The following ADTRP variants were observed in gnomAD, a reference collection of about 807,000 sequenced individuals.
ADTRP encodes androgen-dependent TFPI-regulating protein.
In ADTRP, 20 loss-of-function variants were observed where a neutral mutation model predicts 27.0. That is an observed-to-expected ratio of 0.74 (90% CI 0.52 to 1.08). The LOEUF (loss-of-function observed/expected upper bound fraction) is 1.08. ADTRP is among the 50% of genes least tolerant of loss of function. ADTRP has a pLI of 0.00. For synonymous variants in ADTRP, 101 were observed against 105.2 expected (o/e 0.96, Z 0.25); for missense variants, 251 against 275.0 (o/e 0.91, Z 0.62).
intron 3 of ADTRP, among the ~76,000 whole-genome samples, chr6:11,742,332 A>AT (rs897176049): frequency 6.6e-6 from 1 of 151,430 alleles, no homozygotes; most frequent in Admixed American, 6.6e-5. Context: ...TAACTCTTTA[A>AT]TTTTTTCTCT....
intron 1 of ADTRP, 42 bp downstream of exon 1, chr6:11,778,565 T>C (rs377641393): frequency 6.3e-6 from 10 of 1,587,524 alleles, no homozygotes; most frequent in Non-Finnish European, 7.7e-6. Context: ...ACTGATATTC[T>C]AGAGAAATGG....
At chr6:11,770,661 AG>A (rs529175645) in intron 1 of ADTRP, among the ~76,000 whole-genome samples, 80 of 152,230 alleles carry the variant, frequency 5.3e-4, no homozygotes, top group African/African-American at 1.9e-3. Context: ...AATGGCAGGA[AG>A]GGGTTGCCAC....
chr6:11,726,316 C>T (rs1057414327), intron 4 of ADTRP, among the ~76,000 whole-genome samples: 5 of 152,206 alleles, frequency 3.3e-5, no homozygotes, highest in East Asian at 1.9e-4. Flanking sequence ...TTTGGTCCTG[C>T]GTGTGTTGGT....
chr6:11,714,556 C>A (rs773800644), intron 5 of ADTRP, 44 bp from the exon 6 acceptor site: 2 of 1,594,336 alleles, frequency 1.3e-6, no homozygotes. Context: ...TTCAGGCTTT[C>A]CCTAATGGGT....
At chr6:11,742,535 G>T (rs1419285064) in intron 3 of ADTRP, among the ~76,000 whole-genome samples, 1 of 152,192 alleles carries the variant, frequency 6.6e-6, no homozygotes, top group Admixed American at 6.5e-5. Context: ...TAAAAAGAGA[G>T]AGATGAAATG....
chr6:11,757,383 C>A (rs374862829), intron 3 of ADTRP, among the ~76,000 whole-genome samples: 5 of 152,142 alleles, frequency 3.3e-5, no homozygotes, highest in African/African-American at 1.2e-4. Flanking sequence ...AGAATAGAAA[C>A]AAAATCCTTA....
chr6:11,734,943 G>A (rs913703896), intron 4 of ADTRP, among the ~76,000 whole-genome samples: 1 of 147,570 alleles, frequency 6.8e-6, no homozygotes, highest in African/African-American at 2.5e-5. Context: ...TGGAAGAAAA[G>A]TTTCCCACTC....
intron 3 of ADTRP, among the ~76,000 whole-genome samples, chr6:11,749,582 G>T (rs1195217578): frequency 6.6e-6 from 1 of 152,052 alleles, no homozygotes. Flanking sequence ...GCAAGTGGGG[G>T]ATCCAAGCGG....
chr6:11,755,629 A>G (rs528686285), intron 3 of ADTRP, among the ~76,000 whole-genome samples: 2 of 152,234 alleles, frequency 1.3e-5, no homozygotes, highest in Non-Finnish European at 2.9e-5. Context: ...TTCTGATTTC[A>G]CTGTGGCATT....
chr6:11,776,875 G>A (rs905204226), intron 1 of ADTRP, among the ~76,000 whole-genome samples: 4 of 152,148 alleles, frequency 2.6e-5, no homozygotes, highest in Non-Finnish European at 4.4e-5. Context: ...TTTCCTGAGC[G>A]GCAGGCCACA....
intron 3 of ADTRP, among the ~76,000 whole-genome samples, chr6:11,741,223 G>T (rs1472240455): frequency 6.6e-6 from 1 of 152,180 alleles, no homozygotes; most frequent in Non-Finnish European, 1.5e-5. Flanking sequence ...AGTCATGTTT[G>T]CAATTTACTC....
intron 1 of ADTRP, among the ~76,000 whole-genome samples, chr6:11,771,950 A>G (rs375368932): frequency 6.6e-6 from 1 of 152,150 alleles, no homozygotes; most frequent in Non-Finnish European, 1.5e-5. Context: ...GAGAAAATCA[A>G]TTTCTGTTGT....
At chr6:11,767,109 T>C (rs1763596873) in intron 2 of ADTRP, among the ~76,000 whole-genome samples, 1 of 152,236 alleles carries the variant, frequency 6.6e-6, no homozygotes, top group Admixed American at 6.5e-5. Flanking sequence ...TGGTGGCTCA[T>C]GCCTGTAATC....
chr6:11,730,584 T>G (rs141730784), intron 4 of ADTRP, among the ~76,000 whole-genome samples: 1 of 152,344 alleles, frequency 6.6e-6, no homozygotes, highest in African/African-American at 2.4e-5. Flanking sequence ...GGGTAAGATG[T>G]GTACATGTAT....
intron 1 of ADTRP, among the ~76,000 whole-genome samples, chr6:11,778,341 C>G (rs1309905751): frequency 1.3e-5 from 2 of 152,132 alleles, no homozygotes; most frequent in African/African-American, 4.8e-5. Flanking sequence ...TTGAGCTCAT[C>G]TGAAAAGAGC....
chr6:11,770,155 C>A, intron 1 of ADTRP: 1 of 1,408,080 alleles, frequency 7.1e-7, no homozygotes, highest in South Asian at 1.2e-5. Context: ...TGTGGGAGGT[C>A]AGAAGAGAGA....
intron 5 of ADTRP, 125 bp downstream of exon 5, chr6:11,723,224 C>T: frequency 3.7e-6 from 5 of 1,352,472 alleles, no homozygotes; most frequent in South Asian, 2.8e-5. Context: ...TGTCTGAGTA[C>T]TTTGGACAAA....
rs1157033282 is a variant in ADTRP at position 11,713,742 on chromosome 6, T to C, written c.*736A>G. On this transcript the variant is annotated 3_prime_UTR_variant, in exon 6 of 6. Coordinates refer to ENST00000414691, the MANE Select transcript of ADTRP (RefSeq NM_032744.4). ...GGAAGAGGTTTTGACAATGTCACTA[T>C]GTTTGATGTTTATACCTGCCCTGAA... is the stretch of plus-strand genomic sequence containing the variant. 6.6e-6 allele frequency: 1 copy of C among 151,788 alleles called. No individual in the cohort carries two copies. Among genetic ancestry groups the C allele is most frequent in the Non-Finnish European group, 1.5e-5 (1 of 68,040 alleles). The allele number at this position is 151,788 out of a possible 1,614,324, so 9.4% of individuals were successfully genotyped here.
At chr6:11,759,086 G>A (rs963567749) in intron 3 of ADTRP, among the ~76,000 whole-genome samples, 5 of 152,166 alleles carry the variant, frequency 3.3e-5, no homozygotes, top group Non-Finnish European at 7.4e-5. Flanking sequence ...TGGGGCTGGC[G>A]TAGTGACTCA....
Sources: allele counts gnomAD v4.1 joint callset (sites outside exome capture counted in the v4.1 genomes callset), GRCh38; gene constraint gnomAD v4.1.1; transcripts MANE v1.5; gene names NCBI Gene and HGNC (gene_info 2026-07-23, HGNC 2026-07-21).